PLXNA2: variants seen among roughly 807,000 people sequenced by gnomAD.
PLXNA2 encodes the protein plexin-A2.
Under a neutral mutation model 193.5 loss-of-function variants are expected in PLXNA2, and 91 were observed. That is an observed-to-expected ratio of 0.47 (90% CI 0.40 to 0.56). The LOEUF is 0.56. PLXNA2 is among the 20% of genes least tolerant of loss of function. PLXNA2 has a pLI of 0.00. For synonymous variants in PLXNA2, 997 were observed against 1,027.3 expected, an observed-to-expected ratio of 0.97 and a Z score of 0.56; for missense variants, 1,995 against 2,503.2, an observed-to-expected ratio of 0.80 and a Z score of 4.33.
rs919434781 is a variant in PLXNA2, at chr1:208,054,332, G to A, written c.2856+89C>T. The A allele has an allele frequency of 8.5e-5, 70 of 823,904 alleles. No individual in the cohort carries two copies. In the East Asian group the frequency reaches 1.7e-3, roughly 20 times the overall value. 51.0% of individuals were successfully genotyped at this position (823,904 alleles called of 1,614,324 possible). A position where few individuals can be genotyped will look rare whatever the true frequency, so the allele number is the denominator to read the frequency against. On this transcript the variant is annotated intron_variant, in intron 14 of 31. Transcript: ENST00000367033. ...CTTGGTCTGCAAGAAGCCTGGTGGT[G>A]GAGGGGAGTGGGGGCTTCCTGGGAG...
intron 6 of PLXNA2, 73 bp downstream of exon 6, chr1:208,098,773 C>A: frequency 6.6e-6 from 10 of 1,522,986 alleles, no homozygotes; most frequent in Non-Finnish European, 9.0e-6. Flanking sequence ...CTTGTGCAAG[C>A]GTGAATGGAG....
At position 208,028,255 on chromosome 1, in the gene PLXNA2, C is replaced by G; in HGVS notation, c.5439-96G>C. On this transcript the variant is annotated intron_variant, in intron 30 of 31. Coordinates refer to ENST00000367033, the MANE Select transcript of PLXNA2 (RefSeq NM_025179.4). The surrounding 1 kb of genome is among the most constrained non-coding windows in gnomAD (Gnocchi z 4.2). The stretch of plus-strand genomic sequence containing the variant: ...GGTCCTTCGAGGGCACTGATGTACC[C>G]AGTTGCTCCTGCCTCCCTATTTCTC... 8.6e-7 allele frequency: 1 copy of G among 1,164,520 alleles called. No individual in the cohort carries two copies. The allele number at this position is 1,164,520 out of a possible 1,614,324, so 72.1% of individuals were successfully genotyped here.
At chr1:208,130,681 C>T (rs1476626745) in intron 4 of PLXNA2, among the ~76,000 whole-genome samples, 2 of 152,146 alleles carry the variant, frequency 1.3e-5, no homozygotes, top group Non-Finnish European at 2.9e-5. Flanking sequence ...ATGATTGGCA[C>T]AGGCAGACTC....
chr1:208,167,252 A>G (rs1275367570), intron 3 of PLXNA2, among the ~76,000 whole-genome samples: 2 of 152,170 alleles, frequency 1.3e-5, no homozygotes, highest in Non-Finnish European at 2.9e-5. Flanking sequence ...GAGGAACAGG[A>G]AGGGAGAAAA....
rs187435466 is a variant in PLXNA2 at position 208,178,422 on chromosome 1, C to T, written c.1371+31858G>A. On this transcript the variant is annotated intron_variant, in intron 3 of 31. Transcript: ENST00000367033. ...CTGAGGGAGGAGAGCTTGGCTGCAG[C>T]CCAGTGTTCCTGAAAAAGGTTTACA... Among the ~76,000 whole-genome samples the T allele has an allele frequency of 2.5e-3, 374 of 152,294 alleles. 1 individual carries two copies. Among genetic ancestry groups the T allele is most frequent in the Non-Finnish European group, 4.3e-3 (294 of 68,028 alleles).
intron 17 of PLXNA2, among the ~76,000 whole-genome samples, chr1:208,047,051 C>G (rs982229025): frequency 1.3e-5 from 2 of 152,136 alleles, no homozygotes; most frequent in African/African-American, 4.8e-5. Context: ...GCCTCCGCCT[C>G]CCGGGTTCCA....
chr1:208,178,768 C>A (rs1045176377), intron 3 of PLXNA2, among the ~76,000 whole-genome samples: 5 of 152,196 alleles, frequency 3.3e-5, no homozygotes, highest in Admixed American at 3.3e-4. Flanking sequence ...AGATCAACAG[C>A]ATCAACATCA....
chr1:208,108,347 G>A (rs931668461), intron 4 of PLXNA2, among the ~76,000 whole-genome samples: 1 of 152,232 alleles, frequency 6.6e-6, no homozygotes, highest in African/African-American at 2.4e-5. Flanking sequence ...GGTAAGGCCA[G>A]GAAAGCCTCA....
chr1:208,240,701 C>T (rs1440602720), intron 1 of PLXNA2, among the ~76,000 whole-genome samples: 3 of 143,028 alleles, frequency 2.1e-5, no homozygotes, highest in African/African-American at 5.3e-5. Context: ...ACAGTCAGTC[C>T]TGAATTATTT....
At chr1:208,232,894 T>C (rs924602187) in intron 1 of PLXNA2, among the ~76,000 whole-genome samples, 5 of 152,220 alleles carry the variant, frequency 3.3e-5, no homozygotes, top group Admixed American at 2.6e-4. Context: ...AGCCTTTTCC[T>C]CCACTGAATT....
chr1:208,041,229 G>A (rs879600624), intron 22 of PLXNA2, among the ~76,000 whole-genome samples: 5 of 152,160 alleles, frequency 3.3e-5, no homozygotes, highest in East Asian at 3.9e-4. Flanking sequence ...CTCACCCCAC[G>A]TGGGGCCTGG....
intron 1 of PLXNA2, among the ~76,000 whole-genome samples, chr1:208,229,845 G>A (rs1301076901): frequency 6.6e-6 from 1 of 152,160 alleles, no homozygotes; most frequent in Non-Finnish European, 1.5e-5. Flanking sequence ...GTGGGGTGAG[G>A]GAAGTCCCCT....
chr1:208,152,447 G>A (rs1156442571), intron 3 of PLXNA2, among the ~76,000 whole-genome samples: 3 of 152,216 alleles, frequency 2.0e-5, no homozygotes, highest in Middle Eastern at 6.8e-3. Flanking sequence ...CCTGCCTCCA[G>A]CATATTCTTG....
chr1:208,184,089 T>C (rs1669927343), intron 3 of PLXNA2, among the ~76,000 whole-genome samples: 1 of 152,216 alleles, frequency 6.6e-6, no homozygotes, highest in Non-Finnish European at 1.5e-5. Context: ...TGGACAGTGC[T>C]GTTCTAGGAA....
At chr1:208,192,865 C>A (rs1572016884) in intron 3 of PLXNA2, among the ~76,000 whole-genome samples, 1 of 138,428 alleles carries the variant, frequency 7.2e-6, no homozygotes, top group East Asian at 2.1e-4. Flanking sequence ...CCAGCCTGGG[C>A]AACAAGAGCA....
At chr1:208,159,357 C>T (rs1272210181) in intron 3 of PLXNA2, among the ~76,000 whole-genome samples, 1 of 152,176 alleles carries the variant, frequency 6.6e-6, no homozygotes, top group African/African-American at 2.4e-5. Flanking sequence ...AGTACCTTCC[C>T]ATAGAAGAGG....
At chr1:208,068,003 C>T (rs1665852670) in intron 12 of PLXNA2, among the ~76,000 whole-genome samples, 1 of 152,160 alleles carries the variant, frequency 6.6e-6, no homozygotes, top group Non-Finnish European at 1.5e-5. Context: ...CCTGGACTCC[C>T]TTAGTAGATT....
chr1:208,135,350 C>A (rs568841251), intron 4 of PLXNA2, among the ~76,000 whole-genome samples: 33 of 152,186 alleles, frequency 2.2e-4, no homozygotes, highest in Non-Finnish European at 3.4e-4. Context: ...CCCACTCCCC[C>A]ACATACTGAA....
At chr1:208,208,887 A>G (rs2801209) in intron 3 of PLXNA2, among the ~76,000 whole-genome samples, 146,516 of 152,298 alleles carry the variant, frequency 0.96, 70,743 homozygotes, top group Middle Eastern at 1. Context: ...TCAACTGGAT[A>G]TGGTGACCCT....
Sources: allele counts gnomAD v4.1 joint callset (sites outside exome capture counted in the v4.1 genomes callset), GRCh38; gene constraint gnomAD v4.1.1; non-coding constraint Gnocchi (gnomAD v3.1); transcripts MANE v1.5; gene names NCBI Gene and HGNC (gene_info 2026-07-23, HGNC 2026-07-21).